Variants in OPHN1 observed in about 807,000 individuals in gnomAD.
The protein encoded by OPHN1 is oligophrenin-1.
Under a neutral mutation model 60.7 loss-of-function variants are expected in OPHN1, and 11 were observed. That is an observed-to-expected ratio of 0.18 (90% CI 0.11 to 0.30). The LOEUF (loss-of-function observed/expected upper bound fraction) is 0.30. Among genes scored for constraint, OPHN1 ranks in the 10% least tolerant of loss-of-function variants. The probability of loss-of-function intolerance (pLI) is 1.00; values close to 1 mark genes in which losing one functional copy is unlikely to be tolerated. For missense variants in OPHN1, 449 were observed against 611.0 expected, an observed-to-expected ratio of 0.73 and a Z score of 2.80; for synonymous variants, 226 against 222.6, an observed-to-expected ratio of 1.02 and a Z score of -0.14.
At chrX:68,136,530 C>T (rs2077221206) in intron 15 of OPHN1, among the ~76,000 whole-genome samples, 2 of 110,075 alleles carry the variant, frequency 1.8e-5, no homozygotes, top group African/African-American at 6.6e-5. Flanking sequence ...GTCTCGATCT[C>T]CTGACCTCGT....
chrX:68,383,944 C>T (rs1014472110), intron 2 of OPHN1, among the ~76,000 whole-genome samples: 2 of 111,129 alleles, frequency 1.8e-5, no homozygotes, highest in African/African-American at 6.5e-5. Flanking sequence ...GGAACGTTTG[C>T]CAGTTACCTG....
At chrX:68,398,841 C>T (rs1245861252) in intron 2 of OPHN1, among the ~76,000 whole-genome samples, 1 of 109,983 alleles carries the variant, frequency 9.1e-6, no homozygotes, top group Non-Finnish European at 1.9e-5. Flanking sequence ...CCAAGCTACT[C>T]AGGAGGCTGA....
chrX:68,347,684 CA>C (rs1205405462), intron 2 of OPHN1, among the ~76,000 whole-genome samples: 2 of 111,453 alleles, frequency 1.8e-5, no homozygotes, highest in African/African-American at 6.5e-5. Context: ...TCAGAGAACT[CA>C]GCTGGCTCTC....
Position 68,433,418 on chromosome X carries a change from T to C in OPHN1, c.-255A>G. On this transcript the variant is annotated 5_prime_UTR_variant, in exon 1 of 25. Coordinates refer to ENST00000355520, the MANE Select transcript of OPHN1 (RefSeq NM_002547.3). ...ACGTGACACTTGGGCCCGCCCAAGG[T>C]GTAGGCGAGGTTAGAGCTGGAGCTG... The C allele has an allele frequency of 3.6e-6, 1 of 278,074 alleles. No homozygotes were observed. Among genetic ancestry groups the C allele is most frequent in the Non-Finnish European group, 6.3e-6 (1 of 158,059 alleles). The allele number at this position is 278,074 out of a possible 1,213,427, so 22.9% of individuals were successfully genotyped here.
intron 6 of OPHN1, among the ~76,000 whole-genome samples, chrX:68,230,319 G>C (rs748143866): frequency 2.0e-4 from 22 of 111,663 alleles, no homozygotes; most frequent in East Asian, 1.7e-3. Flanking sequence ...GTTGGTGGGA[G>C]TGTAAACTAG....
intron 2 of OPHN1, among the ~76,000 whole-genome samples, chrX:68,397,520 A>T (rs564055287): frequency 0.017 from 365 of 21,896 alleles, no homozygotes; most frequent in East Asian, 0.027. Context: ...TTATTTATTT[A>T]TTTATTTTTT....
intron 3 of OPHN1, among the ~76,000 whole-genome samples, chrX:68,296,647 T>TAAAAAA (rs751623342): frequency 5.8e-5 from 4 of 68,438 alleles, no homozygotes; most frequent in Non-Finnish European, 1.1e-4. Flanking sequence ...GACTCCATCT[T>TAAAAAA]AAAAAAAAAA....
chrX:68,264,896 G>A (rs776983492), intron 5 of OPHN1, among the ~76,000 whole-genome samples: 1 of 112,638 alleles, frequency 8.9e-6, no homozygotes, highest in South Asian at 3.7e-4. Flanking sequence ...TGCATGGCTT[G>A]GAGGGTCCTA....
At chrX:68,121,280 A>G (rs1354962327) in intron 15 of OPHN1, among the ~76,000 whole-genome samples, 1 of 112,503 alleles carries the variant, frequency 8.9e-6, no homozygotes, top group African/African-American at 3.2e-5. Context: ...GAAGTAACTC[A>G]AACAACTAAA....
intron 6 of OPHN1, among the ~76,000 whole-genome samples, chrX:68,231,404 A>G (rs984030344): frequency 8.9e-6 from 1 of 111,911 alleles, no homozygotes. Context: ...GTTTCTTACG[A>G]CACTAGATAA....
intron 18 of OPHN1, among the ~76,000 whole-genome samples, chrX:68,108,783 A>C (rs1462984698): frequency 9.0e-6 from 1 of 111,551 alleles, no homozygotes; most frequent in Non-Finnish European, 1.9e-5. Context: ...AGGTTCATTA[A>C]AGTCATTTGC....
At chrX:68,091,288 CA>C (rs1395581634) in intron 19 of OPHN1, among the ~76,000 whole-genome samples, 12 of 111,740 alleles carry the variant, frequency 1.1e-4, no homozygotes, top group Non-Finnish European at 3.8e-5. Flanking sequence ...TCTAAGTCTA[CA>C]GGGGCAGAAC....
At chrX:68,358,529 G>A (rs985018666) in intron 2 of OPHN1, among the ~76,000 whole-genome samples, 1 of 111,226 alleles carries the variant, frequency 9.0e-6, no homozygotes, top group African/African-American at 3.3e-5. Flanking sequence ...AACCTCTTGA[G>A]GTCCATTTGA....
intron 21 of OPHN1, among the ~76,000 whole-genome samples, chrX:68,058,700 T>C (rs1361660200): frequency 1.8e-5 from 2 of 112,117 alleles, no homozygotes; most frequent in Non-Finnish European, 3.8e-5. Context: ...TACCACTTCT[T>C]AAGCCTCTAT....
chrX:68,232,255 C>CT (rs1474412394), intron 6 of OPHN1, among the ~76,000 whole-genome samples: 1 of 111,447 alleles, frequency 9.0e-6, no homozygotes, highest in African/African-American at 3.3e-5. Flanking sequence ...TTTAATAAAT[C>CT]TTTTTTGAGC....
chrX:68,337,895 C>T (rs1443098394), intron 2 of OPHN1, among the ~76,000 whole-genome samples: 1 of 110,169 alleles, frequency 9.1e-6, no homozygotes, highest in African/African-American at 3.3e-5. Flanking sequence ...CATGTATGCA[C>T]ATAACATCAG....
At chrX:68,073,519 G>A (rs971650934) in intron 19 of OPHN1, among the ~76,000 whole-genome samples, 1 of 111,960 alleles carries the variant, frequency 8.9e-6, no homozygotes, top group African/African-American at 3.3e-5. Context: ...GCACTTCTCA[G>A]TTTGGAAGAA....
At chrX:68,422,790 G>A (rs187503853) in intron 2 of OPHN1, among the ~76,000 whole-genome samples, 4,563 of 27,850 alleles carry the variant, frequency 0.16, 159 homozygotes, top group Non-Finnish European at 0.23. Flanking sequence ...AGAGAGAGAG[G>A]GAGGGAGGGA....
intron 20 of OPHN1, chrX:68,070,762 C>T (rs1300998934): frequency 8.7e-6 from 10 of 1,143,129 alleles, no homozygotes; most frequent in Non-Finnish European, 1.1e-5. Context: ...CCCCACAGGA[C>T]CATTCCACAC....
Sources: gnomAD v4.1 joint callset for allele counts (sites outside exome capture counted in the v4.1 genomes callset) on GRCh38, gnomAD v4.1.1 for gene constraint, MANE v1.5 for transcripts, NCBI Gene and HGNC (gene_info 2026-07-23, HGNC 2026-07-21) for gene names.